Variants in SLC39A11 observed in about 807,000 individuals in gnomAD.
SLC39A11 encodes zinc transporter ZIP11.
A neutral mutation model predicts 36.1 loss-of-function variants in SLC39A11; 33 were observed. The ratio of observed to expected loss-of-function variants is 0.91; its 90% CI spans 0.69 to 1.22. SLC39A11 has a LOEUF of 1.22. Among genes scored for constraint, SLC39A11 ranks in the 50% most tolerant of loss-of-function variants. The probability of loss-of-function intolerance (pLI) is 0.00; values close to 1 mark genes in which losing one functional copy is unlikely to be tolerated. For missense variants in SLC39A11, 432 were observed against 430.3 expected (o/e 1.00, Z -0.03); for synonymous variants, 166 against 170.3 (o/e 0.97, Z 0.20).
At chr17:72,713,185 G>A (rs2073187492) in intron 7 of SLC39A11, among the ~76,000 whole-genome samples, 1 of 152,112 alleles carries the variant, frequency 6.6e-6, no homozygotes, top group Non-Finnish European at 1.5e-5. Context: ...GAGACTTCTG[G>A]ATCCACAGAC....
Position 72,790,090 on chromosome 17 carries a change from A to G in SLC39A11, c.602-53371T>C, listed in dbSNP as rs572767389. 3.3e-5 allele frequency among the ~76,000 whole-genome samples: 5 copies of G among 152,310 alleles called. No individual in the cohort carries two copies. In the East Asian group the frequency reaches 9.7e-4, roughly 29 times the overall value. On this transcript the variant is annotated intron_variant, in intron 6 of 9. Transcript: ENST00000255559. Reference sequence around the variant, plus strand: ...AGGGAGGCTACTTATCTGCTGCCACATTATAGGGGAGCTGAGGATAACAAG... The same window carrying G: ...AGGGAGGCTACTTATCTGCTGCCACGTTATAGGGGAGCTGAGGATAACAAG...
chr17:72,986,300 G>C (rs995701699), intron 4 of SLC39A11, among the ~76,000 whole-genome samples: 1 of 152,194 alleles, frequency 6.6e-6, no homozygotes. Flanking sequence ...CCACTAGGGG[G>C]AGATGTTGAG....
chr17:72,689,370 C>T lies in SLC39A11; in HGVS notation c.672-40102G>A, dbSNP rs570748876. Reference sequence around the variant, plus strand: ...GCAGCTATAGAGGTCATGGAAGGCCCGATGGGGCAGTTTTGAAAAGTGGGG... The same window carrying T: ...GCAGCTATAGAGGTCATGGAAGGCCTGATGGGGCAGTTTTGAAAAGTGGGG... On this transcript the variant is annotated intron_variant, in intron 7 of 9. Coordinates refer to ENST00000255559, the MANE Select transcript of SLC39A11 (RefSeq NM_139177.4). Among the ~76,000 whole-genome samples, 130 of 152,250 alleles carry T rather than the reference C, an allele frequency of 8.5e-4. 1 individual carries two copies. Among genetic ancestry groups the T allele is most frequent in the African/African-American group, 3.0e-3 (125 of 41,556 alleles).
At chr17:72,982,919 A>G (rs1164580472) in intron 4 of SLC39A11, among the ~76,000 whole-genome samples, 1 of 152,210 alleles carries the variant, frequency 6.6e-6, no homozygotes, top group Non-Finnish European at 1.5e-5. Flanking sequence ...AATGGGCAGC[A>G]GAAACACAGA....
intron 7 of SLC39A11, among the ~76,000 whole-genome samples, chr17:72,659,292 G>A (rs1334043789): frequency 2.6e-5 from 4 of 152,204 alleles, no homozygotes; most frequent in South Asian, 4.1e-4. Flanking sequence ...CATTAGGGGC[G>A]AGGATGATTT....
intron 7 of SLC39A11, among the ~76,000 whole-genome samples, chr17:72,660,048 C>CTGTGCTGAGTGAGTTACTCAGGGGTG (rs2070339763): frequency 6.6e-6 from 1 of 152,148 alleles, no homozygotes; most frequent in Non-Finnish European, 1.5e-5. Context: ...AGGCAGATGC[C>CTGTGCTGAGTGAGTTACTCAGGGGTG]TGTGCTGAGT....
intron 5 of SLC39A11, among the ~76,000 whole-genome samples, chr17:72,928,661 C>T (rs1432072444): frequency 6.6e-6 from 1 of 152,170 alleles, no homozygotes; most frequent in Non-Finnish European, 1.5e-5. Context: ...CTTCACTCTC[C>T]TGCTTTGAGT....
chr17:72,714,363 C>CA (rs200604904), intron 7 of SLC39A11, among the ~76,000 whole-genome samples: 75 of 145,960 alleles, frequency 5.1e-4, no homozygotes, highest in East Asian at 4.2e-3. Context: ...CTCTCTCTCT[C>CA]AAAAAAAAAA....
chr17:73,044,813 G>T (rs1281167564), intron 3 of SLC39A11, among the ~76,000 whole-genome samples: 4 of 151,392 alleles, frequency 2.6e-5, no homozygotes, highest in Admixed American at 6.6e-5. Context: ...GGAGGTGGAG[G>T]TTGCAGTGAG....
intron 6 of SLC39A11, among the ~76,000 whole-genome samples, chr17:72,745,080 G>C (rs1568020331): frequency 6.6e-6 from 1 of 152,190 alleles, no homozygotes; most frequent in Non-Finnish European, 1.5e-5. Context: ...GACCTCAAGC[G>C]ATCTGCCTGC....
At chr17:72,851,132 G>A (rs1245280043) in intron 5 of SLC39A11, among the ~76,000 whole-genome samples, 1 of 152,114 alleles carries the variant, frequency 6.6e-6, no homozygotes, top group East Asian at 1.9e-4. Context: ...CAGCCCACGT[G>A]CCACAGACAT....
chr17:73,005,842 T>C (rs1022990865), intron 4 of SLC39A11, among the ~76,000 whole-genome samples: 1 of 152,076 alleles, frequency 6.6e-6, no homozygotes, highest in African/African-American at 2.4e-5. Flanking sequence ...TCCCAGCTAC[T>C]CGGGAGTCTA....
chr17:72,696,368 A>G (rs2072303059), intron 7 of SLC39A11, among the ~76,000 whole-genome samples: 1 of 152,134 alleles, frequency 6.6e-6, no homozygotes, highest in South Asian at 2.1e-4. Flanking sequence ...CGCCATTTAC[A>G]AGGTACCTAC....
At chr17:72,653,446 T>A (rs1457485439) in intron 7 of SLC39A11, among the ~76,000 whole-genome samples, 1 of 150,034 alleles carries the variant, frequency 6.7e-6, no homozygotes, top group Non-Finnish European at 1.5e-5. Context: ...CTTTTCTTTT[T>A]TTTTTTTTGA....
chr17:72,681,747 C>T (rs2071517837), intron 7 of SLC39A11, among the ~76,000 whole-genome samples: 2 of 152,218 alleles, frequency 1.3e-5, no homozygotes, highest in African/African-American at 4.8e-5. Flanking sequence ...CTTCCTCCTC[C>T]TCCACAGCGA....
Position 72,998,708 on chromosome 17 carries a change from G to C in SLC39A11, c.306+32848C>G, listed in dbSNP as rs2148368387. 3.3e-5 allele frequency among the ~76,000 whole-genome samples: 5 copies of C among 152,320 alleles called. No homozygotes were observed. In the Middle Eastern group the frequency reaches 0.01, roughly 311 times the overall value. Reference sequence around the variant, plus strand: ...CAGACTCACATCTCTATGTGGTTTTGACACATGCAGCTGCTTTGGGGTACA... The same window carrying C: ...CAGACTCACATCTCTATGTGGTTTTCACACATGCAGCTGCTTTGGGGTACA... On this transcript the variant is annotated intron_variant, in intron 4 of 9. Transcript: ENST00000255559.
At chr17:72,789,894 G>A (rs944299403) in intron 6 of SLC39A11, among the ~76,000 whole-genome samples, 2 of 152,194 alleles carry the variant, frequency 1.3e-5, no homozygotes, top group African/African-American at 4.8e-5. Flanking sequence ...TCCATGTCTG[G>A]TCTGGCAAAC....
intron 6 of SLC39A11, among the ~76,000 whole-genome samples, chr17:72,782,667 G>A (rs550446837): frequency 2.4e-4 from 30 of 123,190 alleles, no homozygotes; most frequent in South Asian, 1.9e-3. Context: ...CAGCCTGGGC[G>A]ACACAGCAAG....
At chr17:72,747,714 C>T (rs1419522015) in intron 6 of SLC39A11, among the ~76,000 whole-genome samples, 1 of 152,136 alleles carries the variant, frequency 6.6e-6, no homozygotes, top group Admixed American at 6.6e-5. Context: ...TTGCTGATAA[C>T]CCTGCATGGC....
Sources: allele counts gnomAD v4.1 joint callset (sites outside exome capture counted in the v4.1 genomes callset), GRCh38; gene constraint gnomAD v4.1.1; transcripts MANE v1.5; gene names NCBI Gene and HGNC (gene_info 2026-07-23, HGNC 2026-07-21).